The following WDR7 variants were observed in gnomAD, a reference collection of about 807,000 sequenced individuals.
WDR7 encodes WD repeat-containing protein 7.
In WDR7, 46 loss-of-function variants were observed where a neutral mutation model predicts 169.4. The ratio of observed to expected loss-of-function variants is 0.27; its 90% CI spans 0.21 to 0.35. WDR7 has a LOEUF of 0.35. Among genes scored for constraint, WDR7 ranks in the 10% least tolerant of loss-of-function variants. The pLI, the probability that WDR7 is intolerant of heterozygous loss-of-function variation, is 1.00. For missense variants in WDR7, 1,534 were observed against 1,859.3 expected (o/e 0.83, Z 3.22); for synonymous variants, 612 against 666.8 (o/e 0.92, Z 1.27).
chr18:56,938,521 A>T lies in WDR7; in HGVS notation c.3832-12A>T, dbSNP rs1340045408. ...GTGTCAATCATATCTACAGCATAGAAATGTTTTGTAGGTACACAGACATAC... is the reference window on the plus strand; with the variant it reads ...GTGTCAATCATATCTACAGCATAGATATGTTTTGTAGGTACACAGACATAC... On this transcript the variant is annotated splice_polypyrimidine_tract_variant and intron_variant, in intron 23 of 27. Coordinates refer to ENST00000254442, the MANE Select transcript of WDR7 (RefSeq NM_015285.3). 6.2e-7 allele frequency: 1 copy of T among 1,613,076 alleles called. No individual in the cohort carries two copies.
intron 25 of WDR7, among the ~76,000 whole-genome samples, chr18:56,948,050 A>G (rs1337861295): frequency 3.3e-5 from 5 of 152,032 alleles, no homozygotes; most frequent in Non-Finnish European, 7.4e-5. Context: ...TTTTTTTTTA[A>G]TGAAATTGTA....
chr18:56,680,013 A>G (rs1013918298), intron 3 of WDR7, among the ~76,000 whole-genome samples: 3 of 152,306 alleles, frequency 2.0e-5, no homozygotes, highest in African/African-American at 7.2e-5. Context: ...AATTACATAT[A>G]TTTATACAAT....
intron 20 of WDR7, among the ~76,000 whole-genome samples, chr18:56,849,179 A>G (rs2045607566): frequency 6.6e-6 from 1 of 152,104 alleles, no homozygotes; most frequent in African/African-American, 2.4e-5. Flanking sequence ...AACCTTGTGT[A>G]ATCTGGTCTT....
At chr18:57,012,966 C>T (rs2048158111) in intron 26 of WDR7, among the ~76,000 whole-genome samples, 1 of 152,214 alleles carries the variant, frequency 6.6e-6, no homozygotes, top group South Asian at 2.1e-4. Flanking sequence ...CAGCACCTGG[C>T]ATATCATACA....
In WDR7 at chr18:56,781,571, G is replaced by A. The variant is rs1452428705; in HGVS notation, c.3105G>A (p.Leu1035=). 1 of 1,612,290 alleles carries A rather than the reference G, an allele frequency of 6.2e-7. No homozygotes were observed. The highest frequency in any genetic ancestry group is 8.5e-7 in the Non-Finnish European group (1 of 1,179,202). Residue 1035 remains leucine, a synonymous_variant, in exon 19 of 28, where the codon CTG becomes CTA. Transcript: ENST00000254442. ...CGCAGGCCCTGCTTCTGGCGGAACT[G>A]AGAAGAATTGAGCAGGCAGGCAGGA... ...EAAQALLLAE[L]RRIEQAGRKE... is the part of the protein sequence containing the mutation.
chr18:56,984,999 C>T (rs1281353190), intron 26 of WDR7, among the ~76,000 whole-genome samples: 1 of 152,146 alleles, frequency 6.6e-6, no homozygotes, highest in Non-Finnish European at 1.5e-5. Context: ...TGCCGACTGC[C>T]TGTGGCTCTT....
intron 20 of WDR7, among the ~76,000 whole-genome samples, chr18:56,868,867 T>C (rs1037776806): frequency 6.6e-6 from 1 of 152,176 alleles, no homozygotes; most frequent in Non-Finnish European, 1.5e-5. Flanking sequence ...AGTTTTTACC[T>C]ATAAGACTTC....
intron 20 of WDR7, among the ~76,000 whole-genome samples, chr18:56,819,508 C>A (rs546344522): frequency 2.6e-4 from 39 of 152,288 alleles, no homozygotes; most frequent in African/African-American, 8.9e-4. Context: ...TCATCAAATT[C>A]TTTCCTTTAA....
At chr18:57,030,502 A>G (rs956533650), downstream of WDR7, 2 of 152,154 alleles carry the variant, frequency 1.3e-5, no homozygotes, top group Non-Finnish European at 2.9e-5. Flanking sequence ...TAACAGTTCT[A>G]TATGATCAGC....
At chr18:56,927,433 C>T (rs540196063) in intron 22 of WDR7, among the ~76,000 whole-genome samples, 2 of 151,968 alleles carry the variant, frequency 1.3e-5, no homozygotes, top group African/African-American at 4.8e-5. Flanking sequence ...ACAGGAAGAC[C>T]CCCCCATCTC....
chr18:56,904,253 A>G (rs2046446014), intron 21 of WDR7, among the ~76,000 whole-genome samples: 1 of 151,956 alleles, frequency 6.6e-6, no homozygotes, highest in African/African-American at 2.4e-5. Context: ...TATTTTTAAT[A>G]GAGACGAGGT....
chr18:56,802,470 G>T (rs12327167), intron 19 of WDR7, among the ~76,000 whole-genome samples: 2,908 of 151,512 alleles, frequency 0.019, 81 homozygotes, highest in East Asian at 0.12. Context: ...CCATTCTCCT[G>T]CCTCAGCCTC....
At chr18:56,736,479 AT>A (rs2026701361) in intron 14 of WDR7, among the ~76,000 whole-genome samples, 1 of 151,616 alleles carries the variant, frequency 6.6e-6, no homozygotes, top group South Asian at 2.1e-4. Context: ...AATGGAAGAA[AT>A]TTGAAGACAG....
the WDR7 span, chr18:57,034,918 G>A: frequency 0.027 from 4,172 of 152,182 alleles, 191 homozygotes; most frequent in African/African-American, 0.095. Context: ...TCCAGAGGCT[G>A]AACTCACCTC....
At chr18:56,656,571 C>T (rs182598048) in intron 1 of WDR7, among the ~76,000 whole-genome samples, 313 of 120,028 alleles carry the variant, frequency 2.6e-3, no homozygotes, top group African/African-American at 8.7e-3. Context: ...TGAGCCACTG[C>T]GCCCGGCCAC....
At chr18:56,682,576 C>T (rs1480906793) in intron 4 of WDR7, 103 bp from the exon 5 acceptor site, 5 of 1,319,026 alleles carry the variant, frequency 3.8e-6, no homozygotes, top group Non-Finnish European at 5.2e-6. Context: ...AGAAGTTGAG[C>T]TTTAGGAGAA....
intron 12 of WDR7, among the ~76,000 whole-genome samples, chr18:56,713,371 A>C (rs542020527): frequency 2.0e-5 from 3 of 152,316 alleles, no homozygotes; most frequent in South Asian, 4.1e-4. Context: ...ACCTTGAGTC[A>C]TCCTTTTGAA....
chr18:56,775,444 T>C (rs2044227486), intron 16 of WDR7, among the ~76,000 whole-genome samples: 1 of 152,188 alleles, frequency 6.6e-6, no homozygotes, highest in African/African-American at 2.4e-5. Flanking sequence ...CCCTGGAATA[T>C]AGAAATATTT....
chr18:56,710,394 A>T (rs2026061596), intron 12 of WDR7, among the ~76,000 whole-genome samples: 1 of 152,174 alleles, frequency 6.6e-6, no homozygotes, highest in Non-Finnish European at 1.5e-5. Flanking sequence ...TTTCCTGTGC[A>T]TATTGCATCT....
Sources: gnomAD v4.1 joint callset for allele counts (sites outside exome capture counted in the v4.1 genomes callset) on GRCh38, gnomAD v4.1.1 for gene constraint, MANE v1.5 for transcripts, NCBI Gene and HGNC (gene_info 2026-07-23, HGNC 2026-07-21) for gene names.